The following IGF2BP2 variants were observed in gnomAD, a reference collection of about 807,000 sequenced individuals.
IGF2BP2 encodes insulin-like growth factor 2 mRNA-binding protein 2.
A neutral mutation model predicts 75.8 loss-of-function variants in IGF2BP2; 17 were observed. The ratio of observed to expected loss-of-function variants is 0.22; its 90% CI spans 0.15 to 0.34. The LOEUF (loss-of-function observed/expected upper bound fraction) is 0.34. Among genes scored for constraint, IGF2BP2 ranks in the 10% least tolerant of loss-of-function variants. The pLI is 1.00. For missense variants in IGF2BP2, 516 were observed against 772.4 expected (o/e 0.67, Z 3.93); for synonymous variants, 288 against 295.6 (o/e 0.97, Z 0.26).
intron 2 of IGF2BP2, chr3:185,716,329 A>G: frequency 1.2e-5 from 5 of 410,618 alleles, no homozygotes; most frequent in Non-Finnish European, 2.4e-5. Flanking sequence ...TTTATCCAAT[A>G]AACACTGACG....
chr3:185,656,529 G>T (rs1030979341), intron 12 of IGF2BP2, among the ~76,000 whole-genome samples: 6 of 152,214 alleles, frequency 3.9e-5, no homozygotes, highest in Non-Finnish European at 5.9e-5. Context: ...TGGAATTCTG[G>T]GTTGTCCCAT....
intron 2 of IGF2BP2, among the ~76,000 whole-genome samples, chr3:185,761,836 C>A (rs575441484): frequency 6.6e-6 from 1 of 152,184 alleles, no homozygotes; most frequent in East Asian, 1.9e-4. Context: ...TGCTTCAGAA[C>A]GTGAAAGCAC....
chr3:185,701,793 T>A (rs1464456144), intron 2 of IGF2BP2, among the ~76,000 whole-genome samples: 1 of 152,194 alleles, frequency 6.6e-6, no homozygotes, highest in East Asian at 1.9e-4. Context: ...GAAATGGAGA[T>A]CACTACGGTA....
intron 2 of IGF2BP2, among the ~76,000 whole-genome samples, chr3:185,729,343 TCA>T (rs929149656): frequency 2.0e-5 from 3 of 152,170 alleles, no homozygotes; most frequent in African/African-American, 7.2e-5. Flanking sequence ...TGGGTAGCTC[TCA>T]CACATTTTTC....
intron 2 of IGF2BP2, among the ~76,000 whole-genome samples, chr3:185,776,820 T>C (rs781659027): frequency 3.3e-5 from 5 of 152,218 alleles, no homozygotes; most frequent in Admixed American, 6.5e-5. Context: ...ACAACAACTT[T>C]CTCAAACATT....
chr3:185,799,516 A>G (rs1737894805), intron 2 of IGF2BP2, among the ~76,000 whole-genome samples: 1 of 152,188 alleles, frequency 6.6e-6, no homozygotes. Flanking sequence ...TGGGAGGCCG[A>G]GGCGGGCGGA....
chr3:185,701,729 C>G (rs567998854), intron 2 of IGF2BP2, among the ~76,000 whole-genome samples: 2 of 152,148 alleles, frequency 1.3e-5, no homozygotes, highest in Middle Eastern at 3.2e-3. Context: ...GCTGGACTGT[C>G]GCACCTCTGA....
At chr3:185,742,412 C>T (rs1729684054) in intron 2 of IGF2BP2, among the ~76,000 whole-genome samples, 2 of 152,086 alleles carry the variant, frequency 1.3e-5, no homozygotes, top group Non-Finnish European at 2.9e-5. Context: ...AGGAGAACTG[C>T]TTGAATCCAG....
intron 2 of IGF2BP2, among the ~76,000 whole-genome samples, chr3:185,789,182 A>G (rs954454667): frequency 1.3e-5 from 2 of 152,216 alleles, no homozygotes; most frequent in African/African-American, 4.8e-5. Context: ...TGAATCAAGG[A>G]AAGAATCTTA....
At chr3:185,701,928 G>T (rs887273638) in intron 2 of IGF2BP2, among the ~76,000 whole-genome samples, 3 of 152,162 alleles carry the variant, frequency 2.0e-5, no homozygotes, top group African/African-American at 7.2e-5. Flanking sequence ...TGGACAGTAT[G>T]CCTTCTCATC....
At chr3:185,731,437 G>A (rs890132700) in intron 2 of IGF2BP2, among the ~76,000 whole-genome samples, 4 of 151,784 alleles carry the variant, frequency 2.6e-5, no homozygotes, top group African/African-American at 9.7e-5. Flanking sequence ...ATAGAGACTA[G>A]AGATGAGGTT....
At chr3:185,743,950 T>C (rs2149584810) in intron 2 of IGF2BP2, among the ~76,000 whole-genome samples, 1 of 152,278 alleles carries the variant, frequency 6.6e-6, no homozygotes, top group East Asian at 1.9e-4. Context: ...TCCCAGTGTC[T>C]AAGTCTACAC....
chr3:185,776,852 C>T (rs1734595742), intron 2 of IGF2BP2, among the ~76,000 whole-genome samples: 1 of 152,166 alleles, frequency 6.6e-6, no homozygotes, highest in African/African-American at 2.4e-5. Flanking sequence ...TATTTATATA[C>T]CATCTGTTTC....
At chr3:185,718,684 CAAAAAAAAAA>C (rs10699427) in intron 2 of IGF2BP2, among the ~76,000 whole-genome samples, 2 of 49,530 alleles carry the variant, frequency 4.0e-5, no homozygotes, top group Non-Finnish European at 6.9e-5. Context: ...GACTCTGTCT[CAAAAAAAAAA>C]AAAAAAAAAA....
At chr3:185,765,084 A>AG (rs2149713344) in intron 2 of IGF2BP2, among the ~76,000 whole-genome samples, 1 of 152,164 alleles carries the variant, frequency 6.6e-6, no homozygotes, top group African/African-American at 2.4e-5. Context: ...AGCCCCTCCT[A>AG]CCCGTTTATG....
chr3:185,712,892 C>T (rs1725014189), intron 2 of IGF2BP2, among the ~76,000 whole-genome samples: 1 of 152,196 alleles, frequency 6.6e-6, no homozygotes, highest in Admixed American at 6.5e-5. Flanking sequence ...CATGACCCTA[C>T]AGCCTCCATT....
chr3:185,819,904 CAAAAT>C (rs1473948176), intron 2 of IGF2BP2, among the ~76,000 whole-genome samples: 1 of 151,834 alleles, frequency 6.6e-6, no homozygotes, highest in African/African-American at 2.4e-5. Flanking sequence ...TACATACAAG[CAAAAT>C]ACAATTGAGA....
chr3:185,812,644 T>A (rs141424151), intron 2 of IGF2BP2, among the ~76,000 whole-genome samples: 1 of 152,202 alleles, frequency 6.6e-6, no homozygotes, highest in Non-Finnish European at 1.5e-5. Flanking sequence ...TTACAAACTG[T>A]GTTTTAAAGC....
chr3:185,702,390 A>C (rs780284187), intron 2 of IGF2BP2, among the ~76,000 whole-genome samples: 2 of 152,140 alleles, frequency 1.3e-5, no homozygotes, highest in African/African-American at 4.8e-5. Flanking sequence ...TCAGTCTCAA[A>C]TGAGAGTATC....
Sources: allele counts gnomAD v4.1 joint callset (sites outside exome capture counted in the v4.1 genomes callset), GRCh38; gene constraint gnomAD v4.1.1; transcripts MANE v1.5; gene names NCBI Gene and HGNC (gene_info 2026-07-23, HGNC 2026-07-21).